The following FSTL5 variants were observed in gnomAD, a reference collection of about 807,000 sequenced individuals.
FSTL5 encodes the protein follistatin-related protein 5.
A neutral mutation model predicts 89.1 loss-of-function variants in FSTL5; 62 were observed. The observed-to-expected ratio is 0.70, with a 90% CI of 0.57 to 0.86. The LOEUF (loss-of-function observed/expected upper bound fraction) is 0.86. FSTL5 is among the 40% of genes least tolerant of loss of function. The pLI is 0.00. For missense variants in FSTL5, 1,057 were observed against 1,001.6 expected, an observed-to-expected ratio of 1.06 and a Z score of -0.75; for synonymous variants, 383 against 346.2, an observed-to-expected ratio of 1.11 and a Z score of -1.18.
At chr4:161,670,947 T>C (rs546050123) in intron 6 of FSTL5, among the ~76,000 whole-genome samples, 9 of 152,326 alleles carry the variant, frequency 5.9e-5, no homozygotes, top group African/African-American at 2.2e-4. Flanking sequence ...TAGTAAGGAA[T>C]GTCAGCTGTG....
intron 15 of FSTL5, among the ~76,000 whole-genome samples, chr4:161,409,491 C>T (rs759470689): frequency 6.6e-6 from 1 of 151,976 alleles, no homozygotes; most frequent in Non-Finnish European, 1.5e-5. Flanking sequence ...AAGCTATTCT[C>T]CTGCCTCAGC....
chr4:161,421,853 G>T (rs1354385683), intron 15 of FSTL5, among the ~76,000 whole-genome samples: 1 of 152,082 alleles, frequency 6.6e-6, no homozygotes, highest in Non-Finnish European at 1.5e-5. Context: ...TTAGAAAATG[G>T]CTGGAACCTA....
intron 3 of FSTL5, among the ~76,000 whole-genome samples, chr4:161,981,842 A>C (rs1735836179): frequency 6.6e-6 from 1 of 152,214 alleles, no homozygotes; most frequent in Non-Finnish European, 1.5e-5. Context: ...TCGTAAAATT[A>C]GCATACTACC....
chr4:161,391,008 G>A (rs1334402971), intron 15 of FSTL5, among the ~76,000 whole-genome samples: 6 of 152,100 alleles, frequency 3.9e-5, no homozygotes, highest in African/African-American at 1.2e-4. Context: ...GCCTTCGCAC[G>A]CGCATTAATT....
chr4:161,754,296 C>A (rs1740501290), intron 6 of FSTL5, among the ~76,000 whole-genome samples: 1 of 151,782 alleles, frequency 6.6e-6, no homozygotes, highest in African/African-American at 2.4e-5. Context: ...GATATTTGTA[C>A]ATATAAAGAT....
chr4:161,929,032 T>G (rs529473415), intron 3 of FSTL5, among the ~76,000 whole-genome samples: 2 of 151,756 alleles, frequency 1.3e-5, no homozygotes, highest in African/African-American at 4.8e-5. Flanking sequence ...ATATTGCATT[T>G]AAATTTGTGA....
chr4:161,388,890 A>T (rs1261856149), intron 15 of FSTL5, among the ~76,000 whole-genome samples: 1 of 152,094 alleles, frequency 6.6e-6, no homozygotes, highest in African/African-American at 2.4e-5. Context: ...GTTTTCTGTG[A>T]TACAATCTAG....
At chr4:162,106,525 C>T (rs1345618233) in intron 2 of FSTL5, among the ~76,000 whole-genome samples, 1 of 152,078 alleles carries the variant, frequency 6.6e-6, no homozygotes, top group Non-Finnish European at 1.5e-5. Flanking sequence ...TTAATACATA[C>T]ATATTACATC....
intron 6 of FSTL5, among the ~76,000 whole-genome samples, chr4:161,716,173 T>C (rs140836587): frequency 1.9e-3 from 288 of 152,276 alleles, no homozygotes; most frequent in African/African-American, 6.6e-3. Context: ...GATTTCATAC[T>C]TGTTCTTCTC....
chr4:161,386,219 C>T lies in FSTL5; in HGVS notation c.2072G>A (p.Ser691Asn). The part of the protein sequence containing the change: ...GVTDSVIGFN[S>N]DVTGTPYVSP... ...GACATATGGAGTGCCCGTCACATCA[C>T]TATTGAACCCAATGACTGAGTCAGT... Residue 691 changes from serine to asparagine, a missense_variant, in exon 16 of 16, where the codon AGT (serine) becomes AAT (asparagine). Physicochemically the swap from Ser to Asn is conservative, Grantham distance 46 (BLOSUM62 1). Transcript: ENST00000306100. 2 of 1,614,022 alleles carry T rather than the reference C, an allele frequency of 1.2e-6. No individual in the cohort carries two copies. The highest frequency in any genetic ancestry group is 1.7e-6 in the Non-Finnish European group (2 of 1,179,966).
intron 3 of FSTL5, among the ~76,000 whole-genome samples, chr4:162,018,582 C>T (rs903882249): frequency 8.6e-5 from 13 of 151,888 alleles, no homozygotes; most frequent in African/African-American, 3.1e-4. Context: ...GTAAAGCCTA[C>T]TTGTCATAAC....
chr4:162,118,626 T>C (rs925882727), intron 1 of FSTL5, among the ~76,000 whole-genome samples: 2 of 152,208 alleles, frequency 1.3e-5, no homozygotes, highest in Non-Finnish European at 2.9e-5. Context: ...ATTCTCCTCA[T>C]TAGAGAATTG....
chr4:161,634,758 A>G (rs1031975741), intron 7 of FSTL5, among the ~76,000 whole-genome samples: 1 of 152,168 alleles, frequency 6.6e-6, no homozygotes, highest in African/African-American at 2.4e-5. Context: ...ATGGGAGGAC[A>G]TTGTTCAAAG....
chr4:162,019,727 A>G (rs965148674), intron 3 of FSTL5, among the ~76,000 whole-genome samples: 5 of 150,756 alleles, frequency 3.3e-5, no homozygotes, highest in Non-Finnish European at 7.4e-5. Flanking sequence ...TAGCCATTAA[A>G]TAAACTGGTT....
At chr4:161,752,257 A>ATAGATAGG (rs1740422851) in intron 6 of FSTL5, among the ~76,000 whole-genome samples, 1 of 152,136 alleles carries the variant, frequency 6.6e-6, no homozygotes, top group South Asian at 2.1e-4. Context: ...AGATAGATAG[A>ATAGATAGG]TAGATAGATA....
At chr4:161,799,976 T>C (rs1338430549) in intron 4 of FSTL5, among the ~76,000 whole-genome samples, 1 of 151,716 alleles carries the variant, frequency 6.6e-6, no homozygotes, top group African/African-American at 2.4e-5. Context: ...GATTACCACA[T>C]CACACAGATG....
At chr4:161,617,229 G>A (rs1197441232) in intron 7 of FSTL5, among the ~76,000 whole-genome samples, 3 of 151,786 alleles carry the variant, frequency 2.0e-5, no homozygotes, top group African/African-American at 7.3e-5. Context: ...AAGTCAATTA[G>A]GGAACTTAAA....
At chr4:161,847,346 A>G (rs769730115) in intron 4 of FSTL5, among the ~76,000 whole-genome samples, 43 of 152,308 alleles carry the variant, frequency 2.8e-4, no homozygotes, top group Non-Finnish European at 4.9e-4. Flanking sequence ...TTTTTAATGA[A>G]TACAATGCAA....
intron 7 of FSTL5, among the ~76,000 whole-genome samples, chr4:161,609,063 G>A (rs1393798863): frequency 6.6e-6 from 1 of 151,532 alleles, no homozygotes; most frequent in Admixed American, 6.6e-5. Flanking sequence ...CTTACATTTT[G>A]TGTGATTATT....
Sources: allele counts gnomAD v4.1 joint callset (sites outside exome capture counted in the v4.1 genomes callset), GRCh38; gene constraint gnomAD v4.1.1; transcripts MANE v1.5; gene names NCBI Gene and HGNC (gene_info 2026-07-23, HGNC 2026-07-21).